BNC2: variants seen among roughly 807,000 people sequenced by gnomAD.
BNC2 encodes the protein basonuclin zinc finger protein 2, also known as zinc finger protein basonuclin-2.
A neutral mutation model predicts 76.3 loss-of-function variants in BNC2; 20 were observed. The ratio of observed to expected loss-of-function variants is 0.26; its 90% CI spans 0.18 to 0.38. The LOEUF (loss-of-function observed/expected upper bound fraction) is 0.38. Ranked by LOEUF, BNC2 falls within the 10% of genes least tolerant of loss-of-function variation. The probability of loss-of-function intolerance (pLI) is 1.00; values close to 1 mark genes in which losing one functional copy is unlikely to be tolerated. For synonymous variants in BNC2, 582 were observed against 514.8 expected, an observed-to-expected ratio of 1.13 and a Z score of -1.77; for missense variants, 1,382 against 1,399.8, an observed-to-expected ratio of 0.99 and a Z score of 0.20.
At chr9:16,474,304 G>A (rs1057121538) in intron 5 of BNC2, among the ~76,000 whole-genome samples, 4 of 152,152 alleles carry the variant, frequency 2.6e-5, no homozygotes, top group African/African-American at 9.7e-5. Context: ...ATTATTTCAT[G>A]AAACAGCAGA....
At chr9:16,678,277 T>TC (rs1822717203) in intron 3 of BNC2, among the ~76,000 whole-genome samples, 1 of 123,914 alleles carries the variant, frequency 8.1e-6, no homozygotes, top group Non-Finnish European at 1.7e-5. Flanking sequence ...CTTTTTTTTT[T>TC]TTTTTTTTTT....
chr9:16,771,283 C>T (rs535913197), intron 1 of BNC2, among the ~76,000 whole-genome samples: 2 of 152,290 alleles, frequency 1.3e-5, no homozygotes, highest in Admixed American at 6.5e-5. Flanking sequence ...TATCAATTTG[C>T]TGAGACTGAT....
intron 6 of BNC2, among the ~76,000 whole-genome samples, chr9:16,434,628 C>T (rs1333541888): frequency 6.6e-6 from 1 of 152,100 alleles, no homozygotes; most frequent in Non-Finnish European, 1.5e-5. Flanking sequence ...ACTATCCTGC[C>T]ACTGACCACC....
intron 1 of BNC2, among the ~76,000 whole-genome samples, chr9:16,863,783 G>A (rs1819470523): frequency 6.6e-6 from 1 of 152,060 alleles, no homozygotes; most frequent in African/African-American, 2.4e-5. Flanking sequence ...AACTTTACAG[G>A]GATTTGGCAA....
chr9:16,453,328 G>C (rs759712534), intron 5 of BNC2, among the ~76,000 whole-genome samples: 2 of 152,116 alleles, frequency 1.3e-5, no homozygotes, highest in Non-Finnish European at 2.9e-5. Flanking sequence ...AGTTTGAGTT[G>C]AGCCCTCCAC....
At chr9:16,828,989 G>T (rs1378041090) in intron 1 of BNC2, among the ~76,000 whole-genome samples, 1 of 152,126 alleles carries the variant, frequency 6.6e-6, no homozygotes, top group Non-Finnish European at 1.5e-5. Flanking sequence ...TGTGTGAGCA[G>T]GGGGGCGGCG....
intron 3 of BNC2, among the ~76,000 whole-genome samples, chr9:16,715,179 T>C (rs889047994): frequency 2.0e-5 from 3 of 152,230 alleles, no homozygotes; most frequent in African/African-American, 4.8e-5. Flanking sequence ...AATCATGGGA[T>C]TATTTTCAGA....
intron 5 of BNC2, among the ~76,000 whole-genome samples, chr9:16,546,784 A>T (rs2149156): frequency 0.53 from 80,430 of 151,990 alleles, 21,792 homozygotes; most frequent in African/African-American, 0.63. Flanking sequence ...ATCATGCCAC[A>T]CTGCATCTAC....
chr9:16,718,449 T>C (rs1003155153), intron 3 of BNC2, among the ~76,000 whole-genome samples: 4 of 152,220 alleles, frequency 2.6e-5, no homozygotes, highest in African/African-American at 9.6e-5. Context: ...TTCAGTCCCA[T>C]GATTACTTTC....
At chr9:16,552,311 C>G (rs7048805) in intron 5 of BNC2, among the ~76,000 whole-genome samples, 1 of 152,050 alleles carries the variant, frequency 6.6e-6, no homozygotes, top group African/African-American at 2.4e-5. Context: ...ACAAAGGTAA[C>G]GCAAGTCAAG....
chr9:16,511,147 T>A (rs539271341), intron 5 of BNC2, among the ~76,000 whole-genome samples: 9 of 149,174 alleles, frequency 6.0e-5, no homozygotes, highest in African/African-American at 2.2e-4. Context: ...TCTTGTTCTG[T>A]CACCCAGGCT....
intron 1 of BNC2, among the ~76,000 whole-genome samples, chr9:16,846,030 G>C (rs1401149404): frequency 6.6e-6 from 1 of 150,976 alleles, no homozygotes; most frequent in African/African-American, 2.4e-5. Context: ...GGCACCTGCA[G>C]TCCGGAGGCT....
At chr9:16,645,330 A>C (rs1821594213) in intron 3 of BNC2, among the ~76,000 whole-genome samples, 1 of 152,210 alleles carries the variant, frequency 6.6e-6, no homozygotes, top group Admixed American at 6.5e-5. Context: ...ATTCTTTATA[A>C]AAAATTATTA....
In BNC2 at chr9:16,518,582, TTTG is replaced by T. The variant is rs200405758; in HGVS notation, c.669+33945_669+33947del. On this transcript the variant is annotated intron_variant, in intron 5 of 6. Coordinates refer to ENST00000380672, the MANE Select transcript of BNC2 (RefSeq NM_017637.6). ...GCAAAAGTCATATATATATATATTT[TTTG>T]TTGTTGTTGTTGTTGTTTGTTTGTT... is the stretch of plus-strand genomic sequence containing the variant. 3.0e-3 allele frequency among the ~76,000 whole-genome samples: 410 copies of T among 137,792 alleles called. 1 individual carries two copies. The highest frequency in any genetic ancestry group is 0.018 in the East Asian group (91 of 4,974). 90.4% of individuals were successfully genotyped at this position (137,792 alleles called of 152,430 possible).
At chr9:16,721,323 T>C (rs1824150453) in intron 3 of BNC2, among the ~76,000 whole-genome samples, 1 of 152,202 alleles carries the variant, frequency 6.6e-6, no homozygotes, top group Non-Finnish European at 1.5e-5. Context: ...CTCTTTTCCT[T>C]TGTTTCTCTA....
At chr9:16,498,009 G>GTC (rs1449036829) in intron 5 of BNC2, among the ~76,000 whole-genome samples, 2 of 134,948 alleles carry the variant, frequency 1.5e-5, no homozygotes, top group African/African-American at 7.4e-5. Context: ...GTGTGTGTGT[G>GTC]TGTGTGTGTA....
intron 3 of BNC2, among the ~76,000 whole-genome samples, chr9:16,614,958 TAAAAAAAAAAAAAAAA>T (rs60545823): frequency 7.0e-4 from 44 of 62,506 alleles, no homozygotes; most frequent in South Asian, 2.9e-3. Context: ...TCTGTCTCTT[TAAAAAAAAAAAAAAAA>T]AAAAAAAAAA....
chr9:16,634,115 T>G (rs1821246931), intron 3 of BNC2, among the ~76,000 whole-genome samples: 1 of 152,200 alleles, frequency 6.6e-6, no homozygotes, highest in Admixed American at 6.5e-5. Flanking sequence ...ACTCATCCCG[T>G]GTTCTGACAG....
chr9:16,536,605 C>T (rs1818137611), intron 5 of BNC2, among the ~76,000 whole-genome samples: 1 of 151,924 alleles, frequency 6.6e-6, no homozygotes, highest in Non-Finnish European at 1.5e-5. Flanking sequence ...GTATTTAAGC[C>T]CTGTCTACAA....
Sources: allele counts gnomAD v4.1 joint callset (sites outside exome capture counted in the v4.1 genomes callset), GRCh38; gene constraint gnomAD v4.1.1; transcripts MANE v1.5; gene names NCBI Gene and HGNC (gene_info 2026-07-23, HGNC 2026-07-21).